Variants in BEGAIN observed in about 807,000 individuals in gnomAD.
The protein encoded by BEGAIN is brain-enriched guanylate kinase-associated protein.
A neutral mutation model predicts 35.8 loss-of-function variants in BEGAIN; 19 were observed. The observed-to-expected ratio is 0.53, with a 90% CI of 0.37 to 0.78. BEGAIN has a LOEUF of 0.78. Ranked by LOEUF, BEGAIN falls within the 30% of genes least tolerant of loss-of-function variation. The pLI, the probability that BEGAIN is intolerant of heterozygous loss-of-function variation, is 0.00. For missense variants in BEGAIN, 795 were observed against 853.6 expected (o/e 0.93, Z 0.85); for synonymous variants, 462 against 388.6 (o/e 1.19, Z -2.22).
At chr14:100,570,614 G>A (rs985454869) in intron 1 of BEGAIN, among the ~76,000 whole-genome samples, 1 of 152,178 alleles carries the variant, frequency 6.6e-6, no homozygotes, top group Admixed American at 6.5e-5. Context: ...GGGGCGGGGG[G>A]ACTAAAAGAT....
rs961069183 is a variant in BEGAIN, at chr14:100,583,665, TTCTC to T, written c.42+3580_42+3583del. Among the ~76,000 whole-genome samples, 22 of 150,486 alleles carry T rather than the reference TTCTC, an allele frequency of 1.5e-4. No homozygotes were observed. The South Asian group carries it at 4.2e-3, about 29-fold the overall frequency. On this transcript the variant is annotated intron_variant, in intron 1 of 6. Coordinates refer to ENST00000554140, the MANE Select transcript of BEGAIN (RefSeq NM_001385089.1). Reference sequence around the variant, plus strand: ...TTCTTTCTTTTCTTTTTTTCTTTCTTTCTCTCTCTCTCTTTCGTTTTTCTTCCTT... The same window carrying T: ...TTCTTTCTTTTCTTTTTTTCTTTCTTTCTCTCTCTTTCGTTTTTCTTCCTT...
Position 100,568,797 on chromosome 14 carries a change from T to A in BEGAIN, c.43-858A>T, listed in dbSNP as rs2034945784. On this transcript the variant is annotated intron_variant, in intron 1 of 6. Coordinates refer to ENST00000554140, the MANE Select transcript of BEGAIN (RefSeq NM_001385089.1). The surrounding 1 kb of genome is among the most constrained non-coding windows in gnomAD (Gnocchi z 7.5). ...CTGGGGGCGCCGGGCGGGCTCTCTA[T>A]CACCCGGGAGAGGCCGCTCCCCGGG... 1 of 914,168 alleles carries A rather than the reference T, an allele frequency of 1.1e-6. No homozygotes were observed. Among genetic ancestry groups the A allele is most frequent in the African/African-American group, 1.8e-5 (1 of 55,766 alleles). The allele number at this position is 914,168 out of a possible 1,614,324, so 56.6% of individuals were successfully genotyped here.
intron 2 of BEGAIN, among the ~76,000 whole-genome samples, chr14:100,556,764 A>G (rs999695147): frequency 3.3e-5 from 5 of 151,996 alleles, no homozygotes; most frequent in Non-Finnish European, 7.4e-5. Flanking sequence ...CCCAGCTGCG[A>G]TTTCAGGAAA....
Position 100,537,634 on chromosome 14 carries a change from G to A in BEGAIN, c.*335C>T. The A allele has an allele frequency of 3.6e-6, 1 of 279,866 alleles. No homozygotes were observed. Among genetic ancestry groups the A allele is most frequent in the Non-Finnish European group, 6.7e-6 (1 of 149,516 alleles). The allele number at this position is 279,866 out of a possible 1,614,324, so 17.3% of individuals were successfully genotyped here. A position where few individuals can be genotyped will look rare whatever the true frequency, so the allele number is the denominator to read the frequency against. ...GAAAACGCCAAGGCAGCCGTCCAGGGAGCTGGAGGCCAAGTGCGTTAAGAA... is the reference window on the plus strand; with the variant it reads ...GAAAACGCCAAGGCAGCCGTCCAGGAAGCTGGAGGCCAAGTGCGTTAAGAA... On this transcript the variant is annotated 3_prime_UTR_variant, in exon 7 of 7. Transcript: ENST00000554140.
At chr14:100,551,270 C>T (rs140347501) in intron 2 of BEGAIN, among the ~76,000 whole-genome samples, 1 of 152,306 alleles carries the variant, frequency 6.6e-6, no homozygotes, top group Non-Finnish European at 1.5e-5. Flanking sequence ...GAGGACACAG[C>T]GCCCAGACGA....
rs1334024618 is a variant in BEGAIN at position 100,539,085 on chromosome 14, G to A, written c.723C>T (p.Tyr241=). 7 of 1,611,862 alleles carry A rather than the reference G, an allele frequency of 4.3e-6. No individual in the cohort carries two copies. The East Asian group carries it at 6.7e-5, about 15-fold the overall frequency. Residue 241 remains tyrosine, a synonymous_variant, in exon 7 of 7, where the codon TAC becomes TAT. Coordinates refer to ENST00000554140, the MANE Select transcript of BEGAIN (RefSeq NM_001385089.1). ...GVEKPGPRPP[Y]KGDIYCSDTA... ...TGTCACTGCAGTAGATGTCTCCCTT[G>A]TAGGGGGGCCGCGGGCCTGGTTTCT...
chr14:100,539,403 G>C (rs950931735), intron 6 of BEGAIN, 88 bp from the exon 7 acceptor site: 4 of 1,483,316 alleles, frequency 2.7e-6, no homozygotes, highest in Non-Finnish European at 3.6e-6. Context: ...GAGGACTGAT[G>C]TTAGCCATGA....
intron 2 of BEGAIN, among the ~76,000 whole-genome samples, chr14:100,565,784 G>A (rs940980358): frequency 1.3e-5 from 2 of 152,182 alleles, no homozygotes; most frequent in Admixed American, 1.3e-4. Flanking sequence ...AGGGGCTCAC[G>A]GCACCCAACA....
rs552290236 is a variant in BEGAIN, at chr14:100,551,234, G to A, written c.72-4572C>T. Among the ~76,000 whole-genome samples the A allele has an allele frequency of 5.9e-5, 9 of 152,308 alleles. No individual in the cohort carries two copies. In the South Asian group the frequency reaches 1.9e-3, roughly 32 times the overall value. On this transcript the variant is annotated intron_variant, in intron 2 of 6. Coordinates refer to ENST00000554140, the MANE Select transcript of BEGAIN (RefSeq NM_001385089.1). ...GTGAGGAAGGACATGGGCCCGGCCC[G>A]GCCCTGCTAGGGTGTTGGCCTGCTG... is the stretch of plus-strand genomic sequence containing the variant.
intron 1 of BEGAIN, among the ~76,000 whole-genome samples, chr14:100,585,000 C>G (rs1264654595): frequency 6.6e-6 from 1 of 152,134 alleles, no homozygotes; most frequent in Non-Finnish European, 1.5e-5. Context: ...CACAGCCTCT[C>G]TAAGTCTTGA....
Position 100,543,955 on chromosome 14 carries a change from T to C in BEGAIN, c.311A>G (p.Tyr104Cys), listed in dbSNP as rs1281863195. The C allele has an allele frequency of 1.2e-6, 2 of 1,609,500 alleles. No individual in the cohort carries two copies. The highest frequency in any genetic ancestry group is 1.3e-5 in the African/African-American group (1 of 74,816). ...GCTCAGCGCACGCTTCTCCTCCTCA[T>C]AGTGCTGGCCCTGGGGGTGGGACAG... Reference protein sequence around the residue: ...EDKLYRMGQHYEEEKRALSHE... With the variant: ...EDKLYRMGQHCEEEKRALSHE... The change falls in exon 5 of 7, where the codon TAT (tyrosine) becomes TGT (cysteine). Residue 104 changes from tyrosine (Y) to cysteine (C), a missense_variant. By Grantham distance (194) the Tyr-to-Cys change is radical (BLOSUM62 -2). Coordinates refer to ENST00000554140, the MANE Select transcript of BEGAIN (RefSeq NM_001385089.1).
intron 2 of BEGAIN, among the ~76,000 whole-genome samples, chr14:100,561,774 T>C (rs961314192): frequency 6.6e-6 from 1 of 151,650 alleles, no homozygotes; most frequent in African/African-American, 2.4e-5. Flanking sequence ...AGACTTGGGA[T>C]TGAAACCTAG....
At chr14:100,570,393 G>A in intron 1 of BEGAIN, among the ~76,000 whole-genome samples, 1 of 152,190 alleles carries the variant, frequency 6.6e-6, no homozygotes, top group East Asian at 1.9e-4. Context: ...GCCTATTCTA[G>A]AGCCTGAAGC....
intron 1 of BEGAIN, among the ~76,000 whole-genome samples, chr14:100,570,041 G>T (rs2035025094): frequency 6.6e-6 from 1 of 152,110 alleles, no homozygotes. Flanking sequence ...TGGAGATCCC[G>T]CAGCTGAAGG....
Position 100,567,890 on chromosome 14 carries a change from C to G in BEGAIN, c.71+21G>C. 6.8e-7 allele frequency: 1 copy of G among 1,465,974 alleles called. No homozygotes were observed. The highest frequency in any genetic ancestry group is 9.1e-7 in the Non-Finnish European group (1 of 1,100,042). The allele number at this position is 1,465,974 out of a possible 1,614,324, so 90.8% of individuals were successfully genotyped here. A position where few individuals can be genotyped will look rare whatever the true frequency, so the allele number is the denominator to read the frequency against. ...CCGACCCGGCCCCCGCGAGCCGCGG[C>G]ACGGGAGACGCTCCACTCACCTGAG... On this transcript the variant is annotated intron_variant, in intron 2 of 6. Transcript: ENST00000554140. The surrounding 1 kb of genome is among the most constrained non-coding windows in gnomAD (Gnocchi z 5.1).
Position 100,538,981 on chromosome 14 carries a change from A to C in BEGAIN, c.827T>G (p.Leu276Arg). 6.2e-7 allele frequency: 1 copy of C among 1,610,230 alleles called. No individual in the cohort carries two copies. The highest frequency in any genetic ancestry group is 1.3e-5 in the African/African-American group (1 of 74,996). ...GCTGTCAGTGGAGTTCTGGGCCCGC[A>C]GGAAGCCCACGTCGGTCACGGGCGC... The part of the protein sequence containing the change: ...VDAPVTDVGF[L>R]RAQNSTDSAA... Residue 276 changes from leucine (L) to arginine (R), a missense_variant, in exon 7 of 7, where the codon CTG becomes CGG. Around this residue, in one of 3 missense-constraint regions of BEGAIN, gnomAD observed 664 missense variants for 647.7 expected, o/e 1.03. Transcript: ENST00000554140.
At position 100,546,774 on chromosome 14, in the gene BEGAIN, G is replaced by GCA. The variant is rs1293063579; in HGVS notation, c.72-113_72-112insTG. On this transcript the variant is annotated intron_variant, in intron 2 of 6. Coordinates refer to ENST00000554140, the MANE Select transcript of BEGAIN (RefSeq NM_001385089.1). ...AACACGCGAGTACCGGCGCGCGCGC[G>GCA]CGCGCGCACACACACACACACACAC... 4.8e-5 allele frequency: 36 copies of GCA among 756,586 alleles called. No homozygotes were observed. The African/African-American group carries it at 8.4e-4, about 18-fold the overall frequency. 46.9% of individuals were successfully genotyped at this position (756,586 alleles called of 1,614,324 possible).
At position 100,542,449 on chromosome 14, in the gene BEGAIN, G is replaced by A. The variant is rs569883061; in HGVS notation, c.408+1409C>T. Among the ~76,000 whole-genome samples, 9 of 152,308 alleles carry A rather than the reference G, an allele frequency of 5.9e-5. No homozygotes were observed. The East Asian group carries it at 9.7e-4, about 16-fold the overall frequency. ...GCATGCTGCCTGGGCAGTCTCCGCC[G>A]GCATGCCGGCCTTCACGCTCAACTC... is the stretch of plus-strand genomic sequence containing the variant. On this transcript the variant is annotated intron_variant, in intron 5 of 6. Coordinates refer to ENST00000554140, the MANE Select transcript of BEGAIN (RefSeq NM_001385089.1).
At position 100,586,274 on chromosome 14, in the gene BEGAIN, G is replaced by A. The variant is rs1465148706; in HGVS notation, c.42+975C>T. 6.6e-6 allele frequency among the ~76,000 whole-genome samples: 1 copy of A among 152,182 alleles called. No homozygotes were observed. The highest frequency in any genetic ancestry group is 1.5e-5 in the Non-Finnish European group (1 of 68,028). Reference sequence around the variant, plus strand: ...TGGCCTCCAGAGAGCCAGAGCACTGGGGCCTCCGACGGAGCCTGGCTGTGG... The same window carrying A: ...TGGCCTCCAGAGAGCCAGAGCACTGAGGCCTCCGACGGAGCCTGGCTGTGG... On this transcript the variant is annotated intron_variant, in intron 1 of 6. Transcript: ENST00000554140. This position sits in a 1 kb window ranked among gnomAD's most constrained non-coding sequence, Gnocchi z 4.9.
Sources: allele counts gnomAD v4.1 joint callset (sites outside exome capture counted in the v4.1 genomes callset), GRCh38; gene constraint gnomAD v4.1.1; regional missense constraint gnomAD v4.1.1; non-coding constraint Gnocchi (gnomAD v3.1); transcripts MANE v1.5; gene names NCBI Gene and HGNC (gene_info 2026-07-23, HGNC 2026-07-21).